DAB1: variants seen among roughly 807,000 people sequenced by gnomAD.
DAB1 encodes the protein DAB adaptor protein 1.
A neutral mutation model predicts 64.6 loss-of-function variants in DAB1; 15 were observed. The ratio of observed to expected loss-of-function variants is 0.23; its 90% confidence interval spans 0.16 to 0.36. The LOEUF is 0.36. Ranked by LOEUF, DAB1 falls within the 10% of genes least tolerant of loss-of-function variation. The probability of loss-of-function intolerance (pLI) is 1.00; values close to 1 mark genes in which losing one functional copy is unlikely to be tolerated. For missense variants in DAB1, 596 were observed against 706.7 expected (o/e 0.84, Z 1.78); for synonymous variants, 235 against 251.9 (o/e 0.93, Z 0.64).
rs946581315 is a variant in DAB1 at position 58,377,897 on chromosome 1, C to G, written n.258-34494G>C. ...CTCACTTCTTCTTATTCGTTTTTCT[C>G]TAAACTTCCCTTCTCGCTTCATTTC... On this transcript the variant is annotated intron_variant and non_coding_transcript_variant, in intron 3 of 20. Coordinates refer to the DAB1 transcript ENST00000485760. 6.3e-5 allele frequency among the ~76,000 whole-genome samples: 9 copies of G among 141,982 alleles called. 1 individual carries two copies. Among genetic ancestry groups the G allele is most frequent in the Admixed American group, 4.2e-4 (6 of 14,188 alleles). 93.1% of individuals were successfully genotyped at this position (141,982 alleles called of 152,430 possible).
chr1:57,121,114 AGAG>A (rs2100752083), intron 4 of DAB1, among the ~76,000 whole-genome samples: 1 of 150,222 alleles, frequency 6.7e-6, no homozygotes, highest in East Asian at 2.0e-4. Context: ...AGGAAGAAGA[AGAG>A]GAAGAAGAAG....
intron 4 of DAB1, among the ~76,000 whole-genome samples, chr1:58,304,636 C>T (rs1314377084): frequency 1.3e-5 from 2 of 152,140 alleles, no homozygotes; most frequent in Non-Finnish European, 2.9e-5. Context: ...AAGAAGATCT[C>T]TAAGTTCGCA....
At chr1:58,502,012 CTATT>C (rs1366400312) in intron 3 of DAB1, among the ~76,000 whole-genome samples, 1 of 151,734 alleles carries the variant, frequency 6.6e-6, no homozygotes, top group Non-Finnish European at 1.5e-5. Flanking sequence ...GGATTTTTGT[CTATT>C]TATTTCACAT....
chr1:57,743,238 C>G (rs929523390), intron 6 of DAB1, among the ~76,000 whole-genome samples: 2 of 152,116 alleles, frequency 1.3e-5, no homozygotes, highest in African/African-American at 4.8e-5. Context: ...GTAAAAATAG[C>G]CTTAACTGAT....
chr1:57,483,930 G>A (rs1644056975), intron 7 of DAB1, among the ~76,000 whole-genome samples: 1 of 152,116 alleles, frequency 6.6e-6, no homozygotes, highest in Admixed American at 6.5e-5. Flanking sequence ...GGTAAAATGA[G>A]CAATTAATAG....
chr1:57,478,033 C>A (rs1406277464), intron 7 of DAB1, among the ~76,000 whole-genome samples: 2 of 151,614 alleles, frequency 1.3e-5, no homozygotes, highest in African/African-American at 4.9e-5. Context: ...GGTATCTCTC[C>A]TAATGCTATC....
chr1:58,119,582 C>CA (rs1377031915), intron 5 of DAB1, among the ~76,000 whole-genome samples: 4 of 152,062 alleles, frequency 2.6e-5, no homozygotes, highest in Non-Finnish European at 5.9e-5. Flanking sequence ...CTATGATGGA[C>CA]AGAGCAGAGA....
chr1:57,717,086 A>G (rs1647092733), intron 6 of DAB1, among the ~76,000 whole-genome samples: 1 of 151,930 alleles, frequency 6.6e-6, no homozygotes, highest in Non-Finnish European at 1.5e-5. Context: ...TAAAAATACA[A>G]AAATTAGCTG....
chr1:57,486,372 C>A (rs1644091866), intron 7 of DAB1, among the ~76,000 whole-genome samples: 1 of 152,146 alleles, frequency 6.6e-6, no homozygotes, highest in African/African-American at 2.4e-5. Context: ...ACTTTAATTT[C>A]TATTACCTTC....
At chr1:58,425,035 C>T (rs1431568808) in intron 3 of DAB1, among the ~76,000 whole-genome samples, 2 of 152,148 alleles carry the variant, frequency 1.3e-5, no homozygotes, top group Non-Finnish European at 2.9e-5. Context: ...CATTTTATAT[C>T]CCAGAATCCC....
Position 57,916,005 on chromosome 1 carries a change from T to C in DAB1, n.388-31843A>G, listed in dbSNP as rs11580818. On this transcript the variant is annotated intron_variant and non_coding_transcript_variant, in intron 5 of 20. Transcript: ENST00000485760. Reference sequence around the variant, plus strand: ...CTTCGTTGTTGGTTGGCATTGCTGCTTCCAGCCTGCTGCCAGTTCTTGAAC... The same window carrying C: ...CTTCGTTGTTGGTTGGCATTGCTGCCTCCAGCCTGCTGCCAGTTCTTGAAC... Among the ~76,000 whole-genome samples, 303 of 152,322 alleles carry C rather than the reference T, an allele frequency of 2.0e-3. 2 individuals carry two copies. The highest frequency in any genetic ancestry group is 3.4e-3 in the Non-Finnish European group (229 of 68,032).
chr1:57,941,642 C>T (rs1645106966), intron 5 of DAB1, among the ~76,000 whole-genome samples: 1 of 152,154 alleles, frequency 6.6e-6, no homozygotes, highest in Non-Finnish European at 1.5e-5. Context: ...CGAGACCATC[C>T]TGGCTAACAT....
At chr1:57,648,580 T>C (rs2101651916) in intron 7 of DAB1, among the ~76,000 whole-genome samples, 1 of 152,314 alleles carries the variant, frequency 6.6e-6, no homozygotes, top group Admixed American at 6.5e-5. Flanking sequence ...TAATGAATTT[T>C]TACAAGTCTC....
intron 4 of DAB1, among the ~76,000 whole-genome samples, chr1:58,246,126 G>A (rs1032461893): frequency 7.1e-4 from 1 of 1,408 alleles, no homozygotes; most frequent in East Asian, 0.056. Flanking sequence ...TATCAGAATT[G>A]TTAACAAAAA....
intron 2 of DAB1, among the ~76,000 whole-genome samples, chr1:58,522,527 C>T (rs1330801478): frequency 2.6e-5 from 4 of 152,194 alleles, no homozygotes; most frequent in African/African-American, 9.6e-5. Flanking sequence ...TTGCCCATCA[C>T]CAACTTTGTA....
intron 2 of DAB1, among the ~76,000 whole-genome samples, chr1:57,252,895 AG>A (rs1023337152): frequency 5.9e-5 from 9 of 152,378 alleles, no homozygotes; most frequent in Admixed American, 2.0e-4. Context: ...GGAAAGTGGC[AG>A]GACCAGTTTT....
chr1:57,560,370 T>A (rs1476135797), intron 7 of DAB1, among the ~76,000 whole-genome samples: 3 of 152,222 alleles, frequency 2.0e-5, no homozygotes, highest in Non-Finnish European at 4.4e-5. Context: ...GGTGAGACAT[T>A]TGCATGCCAG....
rs1244821597 is a variant in DAB1, at chr1:56,996,547, C to CG, written c.*1596dup. The CG allele has an allele frequency of 9.2e-5, 14 of 152,142 alleles. No homozygotes were observed. Among genetic ancestry groups the CG allele is most frequent in the African/African-American group, 3.1e-4 (13 of 41,424 alleles). 9.4% of individuals were successfully genotyped at this position (152,142 alleles called of 1,614,324 possible). On this transcript the variant is annotated 3_prime_UTR_variant, in exon 15 of 15. Coordinates refer to ENST00000371236, the MANE Select transcript of DAB1 (RefSeq NM_001365792.1). ...GTACAAACAGTCCAGTGATTTATAT[C>CG]GGGGGTAGGTGGGAGTGGGGAGGTG... is the stretch of plus-strand genomic sequence containing the variant.
At chr1:57,953,884 T>C (rs186112940) in intron 5 of DAB1, among the ~76,000 whole-genome samples, 78 of 152,308 alleles carry the variant, frequency 5.1e-4, no homozygotes, top group African/African-American at 1.8e-3. Context: ...TAACCATCCC[T>C]TCCTTTCCCT....
Sources: gnomAD v4.1 joint callset for allele counts (sites outside exome capture counted in the v4.1 genomes callset) on GRCh38, gnomAD v4.1.1 for gene constraint, MANE v1.5 for transcripts, NCBI Gene and HGNC (gene_info 2026-07-23, HGNC 2026-07-21) for gene names.